FBXL7: variants seen among roughly 807,000 people sequenced by gnomAD.
The protein encoded by FBXL7 is F-box and leucine rich repeat protein 7, also known as F-box/LRR-repeat protein 7.
Under a neutral mutation model 38.3 loss-of-function variants are expected in FBXL7, and 12 were observed. The ratio of observed to expected loss-of-function variants is 0.31; its 90% CI spans 0.20 to 0.51. The LOEUF is 0.51. Ranked by LOEUF, FBXL7 falls within the 20% of genes least tolerant of loss-of-function variation. The pLI is 0.98. For missense variants in FBXL7, 567 were observed against 676.4 expected (o/e 0.84, Z 1.79); for synonymous variants, 297 against 300.9 (o/e 0.99, Z 0.13).
intron 2 of FBXL7, among the ~76,000 whole-genome samples, chr5:15,693,897 C>T (rs539093049): frequency 3.6e-4 from 55 of 152,270 alleles, no homozygotes; most frequent in Non-Finnish European, 4.4e-4. Context: ...TTCAATAAAA[C>T]CTTGCACTCA....
At chr5:15,792,761 C>T (rs1396954437) in intron 2 of FBXL7, among the ~76,000 whole-genome samples, 1 of 152,158 alleles carries the variant, frequency 6.6e-6, no homozygotes, top group Admixed American at 6.5e-5. Flanking sequence ...TGAGACTGTC[C>T]TTGGTGCCTG....
intron 2 of FBXL7, among the ~76,000 whole-genome samples, chr5:15,873,607 A>G (rs544926939): frequency 2.0e-5 from 3 of 152,320 alleles, no homozygotes; most frequent in Admixed American, 1.3e-4. Context: ...CCGCAGAAAT[A>G]CAAAGTACTC....
chr5:15,642,822 A>G (rs1741411135), intron 2 of FBXL7, among the ~76,000 whole-genome samples: 1 of 152,180 alleles, frequency 6.6e-6, no homozygotes, highest in Non-Finnish European at 1.5e-5. Flanking sequence ...AAATTCTTAC[A>G]TCCCACAACA....
chr5:15,861,582 C>T (rs544109388), intron 2 of FBXL7, among the ~76,000 whole-genome samples: 1 of 152,190 alleles, frequency 6.6e-6, no homozygotes, highest in Non-Finnish European at 1.5e-5. Flanking sequence ...GACCTTATTA[C>T]CCATACTTCC....
chr5:15,666,117 C>T (rs746316479), intron 2 of FBXL7, among the ~76,000 whole-genome samples: 2 of 152,076 alleles, frequency 1.3e-5, no homozygotes, highest in Non-Finnish European at 2.9e-5. Flanking sequence ...AATAGCTCCT[C>T]CTAAAGTTGG....
At chr5:15,857,378 T>G (rs893435716) in intron 2 of FBXL7, among the ~76,000 whole-genome samples, 1 of 152,196 alleles carries the variant, frequency 6.6e-6, no homozygotes, top group Non-Finnish European at 1.5e-5. Flanking sequence ...ATCCCCAGAT[T>G]GCAGATAAGG....
intron 3 of FBXL7, among the ~76,000 whole-genome samples, chr5:15,932,727 A>G (rs982893551): frequency 4.6e-5 from 7 of 152,100 alleles, no homozygotes; most frequent in Non-Finnish European, 7.3e-5. Context: ...ATCTATTAAT[A>G]TATATGCAAA....
chr5:15,904,595 C>T (rs962762633), intron 2 of FBXL7, among the ~76,000 whole-genome samples: 3 of 151,898 alleles, frequency 2.0e-5, no homozygotes, highest in Admixed American at 2.0e-4. Flanking sequence ...GCAAGACACC[C>T]ACAAAAAACA....
At chr5:15,607,794 A>G (rs1740080412) in intron 1 of FBXL7, among the ~76,000 whole-genome samples, 1 of 152,236 alleles carries the variant, frequency 6.6e-6, no homozygotes, top group Non-Finnish European at 1.5e-5. Context: ...TTAGCCTATT[A>G]CAGATAACAT....
chr5:15,515,692 G>A (rs949269648), intron 1 of FBXL7, among the ~76,000 whole-genome samples: 1 of 152,176 alleles, frequency 6.6e-6, no homozygotes, highest in African/African-American at 2.4e-5. Flanking sequence ...GTTATTAAGA[G>A]TATTGGGGAA....
At chr5:15,755,734 G>A (rs1736280763) in intron 2 of FBXL7, among the ~76,000 whole-genome samples, 1 of 152,134 alleles carries the variant, frequency 6.6e-6, no homozygotes, top group Admixed American at 6.5e-5. Context: ...TAGCCAAACA[G>A]CCAGTAAAAA....
At chr5:15,620,410 TTTG>T (rs558489986) in intron 2 of FBXL7, among the ~76,000 whole-genome samples, 16,557 of 130,838 alleles carry the variant, frequency 0.13, 1,066 homozygotes, top group Middle Eastern at 0.16. Flanking sequence ...TTTTTTGTTT[TTTG>T]TTTTTTTTTT....
At chr5:15,836,503 T>C (rs1473573528) in intron 2 of FBXL7, among the ~76,000 whole-genome samples, 1 of 152,044 alleles carries the variant, frequency 6.6e-6, no homozygotes, top group Non-Finnish European at 1.5e-5. Context: ...AGGAAGGTAA[T>C]GTTGGAATAA....
intron 2 of FBXL7, among the ~76,000 whole-genome samples, chr5:15,825,272 T>C (rs947174484): frequency 1.3e-5 from 2 of 152,202 alleles, no homozygotes; most frequent in Non-Finnish European, 2.9e-5. Context: ...GTAGTCACTC[T>C]TATTCCTATA....
At chr5:15,530,575 A>G (rs1276022725) in intron 1 of FBXL7, among the ~76,000 whole-genome samples, 1 of 152,176 alleles carries the variant, frequency 6.6e-6, no homozygotes, top group East Asian at 1.9e-4. Context: ...ATGTTTGGTG[A>G]TTCACTAGAA....
chr5:15,767,693 A>C (rs189195814), intron 2 of FBXL7, among the ~76,000 whole-genome samples: 45 of 152,288 alleles, frequency 3.0e-4, no homozygotes, highest in Non-Finnish European at 5.6e-4. Context: ...TTGCTAACTA[A>C]TTTGCTATTA....
intron 2 of FBXL7, among the ~76,000 whole-genome samples, chr5:15,692,385 A>G (rs1743210673): frequency 2.0e-5 from 3 of 152,172 alleles, no homozygotes; most frequent in Admixed American, 1.3e-4. Context: ...TTGACTGCCC[A>G]TTCTCCCCAC....
At chr5:15,770,023 T>C (rs1736687049) in intron 2 of FBXL7, among the ~76,000 whole-genome samples, 1 of 152,214 alleles carries the variant, frequency 6.6e-6, no homozygotes, top group South Asian at 2.1e-4. Flanking sequence ...AGAGAATTTT[T>C]ACAATAGTAT....
chr5:15,553,453 T>A (rs1316347708), intron 1 of FBXL7, among the ~76,000 whole-genome samples: 1 of 152,222 alleles, frequency 6.6e-6, no homozygotes, highest in African/African-American at 2.4e-5. Context: ...CATTTATTCT[T>A]AGGATTAATT....
Sources: gnomAD v4.1 joint callset for allele counts (sites outside exome capture counted in the v4.1 genomes callset) on GRCh38, gnomAD v4.1.1 for gene constraint, MANE v1.5 for transcripts, NCBI Gene and HGNC (gene_info 2026-07-23, HGNC 2026-07-21) for gene names.